The following NLRC4 variants were observed in gnomAD, a reference collection of about 807,000 sequenced individuals.
NLRC4 encodes the protein NLR family CARD domain-containing protein 4.
NLRC4 carries 63 observed loss-of-function variants against 79.9 expected under a neutral mutation model. The ratio of observed to expected loss-of-function variants is 0.79; its 90% CI spans 0.64 to 0.97. NLRC4 has a LOEUF of 0.97. NLRC4 is among the 50% of genes least tolerant of loss of function. The probability of loss-of-function intolerance (pLI) is 0.00; values close to 1 mark genes in which losing one functional copy is unlikely to be tolerated. For missense variants in NLRC4, 1,074 were observed against 1,215.2 expected (o/e 0.88, Z 1.73); for synonymous variants, 461 against 456.5 (o/e 1.01, Z -0.12).
Position 32,230,430 on chromosome 2 carries a change from G to A in NLRC4, c.2782+4971C>T, listed in dbSNP as rs1399588889. ...CCCACCCGCCTTGGCCTCTCAAACT[G>A]CTGGGATTACAAACGTGAGCCACTG... On this transcript the variant is annotated intron_variant, in intron 8 of 8. Transcript: ENST00000402280. Among the ~76,000 whole-genome samples, 7 of 151,110 alleles carry A rather than the reference G, an allele frequency of 4.6e-5. No homozygotes were observed. The East Asian group carries it at 1.2e-3, about 25-fold the overall frequency.
chr2:32,227,652 G>A (rs888656745), intron 8 of NLRC4, among the ~76,000 whole-genome samples: 1 of 152,198 alleles, frequency 6.6e-6, no homozygotes, highest in Non-Finnish European at 1.5e-5. Context: ...GCAATTTATA[G>A]TGGTTATCTA....
At chr2:32,265,206 A>G (rs1362921196), upstream of NLRC4, among the ~76,000 whole-genome samples, 1 of 151,636 alleles carries the variant, frequency 6.6e-6, no homozygotes, top group Non-Finnish European at 1.5e-5. Context: ...TTTGAGACAG[A>G]GTCTTGTTCT....
At chr2:32,235,709 G>A (rs1001427041) in intron 7 of NLRC4, 141 bp from the exon 8 acceptor site, 2 of 695,112 alleles carry the variant, frequency 2.9e-6, no homozygotes, top group Non-Finnish European at 4.6e-6. Context: ...CTTAATTTTT[G>A]GTTTTTTTTT....
intron 2 of NLRC4, among the ~76,000 whole-genome samples, chr2:32,255,957 T>C (rs1178754067): frequency 6.6e-6 from 1 of 151,556 alleles, no homozygotes; most frequent in South Asian, 2.1e-4. Context: ...GAGGTTGCAG[T>C]GAGCCAAGAT....
In NLRC4 at chr2:32,236,262, C is replaced by A; in HGVS notation, c.2599G>T (p.Ala867Ser). 1 of 1,605,782 alleles carries A rather than the reference C, an allele frequency of 6.2e-7. No individual in the cohort carries two copies. The highest frequency in any genetic ancestry group is 1.3e-5 in the African/African-American group (1 of 74,758). Residue 867 changes from alanine to serine, a missense_variant, in exon 7 of 9, where the codon GCT (alanine) becomes TCT (serine). Transcript: ENST00000402280. ...TCATTCTTACTCAGTTCATGAAGAG[C>A]TTCATTTCCATCTTTTTCCAGGTAA... ...ENYLEKDGNE[A>S]LHELIDRMNV...
At chr2:32,265,199 G>A (rs1384921564), upstream of NLRC4, among the ~76,000 whole-genome samples, 1 of 147,174 alleles carries the variant, frequency 6.8e-6, no homozygotes, top group Non-Finnish European at 1.5e-5. Flanking sequence ...TCTTTTTTTT[G>A]AGACAGAGTC....
At chr2:32,225,818 C>T (rs142411503) in intron 8 of NLRC4, among the ~76,000 whole-genome samples, 189 of 152,258 alleles carry the variant, frequency 1.2e-3, no homozygotes, top group African/African-American at 4.2e-3. Flanking sequence ...CCACATTACT[C>T]GGCTCATCCG....
chr2:32,233,349 A>ATATTTT (rs1418146489), intron 8 of NLRC4, among the ~76,000 whole-genome samples: 5 of 41,096 alleles, frequency 1.2e-4, no homozygotes, highest in African/African-American at 3.8e-4. Flanking sequence ...ATATATATAT[A>ATATTTT]TTTTTTTTTT....
intron 1 of NLRC4, among the ~76,000 whole-genome samples, chr2:32,261,315 C>CTTTTTTTTTT (rs1558464069): frequency 6.1e-5 from 5 of 81,572 alleles, no homozygotes; most frequent in African/African-American, 2.4e-4. Context: ...AAGCCTCCCC[C>CTTTTTTTTTT]CTTTTGTTTT....
At chr2:32,240,401 C>CA (rs36105309) in intron 5 of NLRC4, among the ~76,000 whole-genome samples, 5,831 of 118,126 alleles carry the variant, frequency 0.049, 188 homozygotes, top group African/African-American at 0.093. Flanking sequence ...AAAAAAGAGC[C>CA]AAAAAAAAAA....
At position 32,250,787 on chromosome 2, in the gene NLRC4, TTG is replaced by T. The variant is rs757026903; in HGVS notation, c.1075_1076del (p.Gln359AsnfsTer9). ...MGESEFHSHT[Q>X]TTLFHTFYDL... Reference sequence around the variant, plus strand: ...CATAGAAGGTATGGAACAGCGTTGTTTGTGTGTGAGAGTGGAACTCACTTTCA... The same window carrying T: ...CATAGAAGGTATGGAACAGCGTTGTTTGTGTGAGAGTGGAACTCACTTTCA... On this transcript the variant is annotated frameshift_variant, in exon 4 of 9. Coordinates refer to ENST00000402280, the MANE Select transcript of NLRC4 (RefSeq NM_001199138.2). LOFTEE classifies it high-confidence loss of function. This position sits in a 1 kb window ranked among gnomAD's most constrained non-coding sequence, Gnocchi z 4.9. 4.3e-6 allele frequency: 7 copies of T among 1,614,060 alleles called. No homozygotes were observed. The highest frequency in any genetic ancestry group is 1.6e-4 in the Middle Eastern group (1 of 6,084).
intron 2 of NLRC4, among the ~76,000 whole-genome samples, chr2:32,256,051 T>C (rs1351484103): frequency 6.6e-6 from 1 of 151,954 alleles, no homozygotes. Context: ...AATATATATA[T>C]AAACAGTAAG....
At chr2:32,260,213 C>CAAAAAAAAAAAAAAAAAA (rs1197388989) in intron 1 of NLRC4, among the ~76,000 whole-genome samples, 3 of 75,066 alleles carry the variant, frequency 4.0e-5, no homozygotes, top group African/African-American at 6.1e-5. Flanking sequence ...TGGGCAACGA[C>CAAAAAAAAAAAAAAAAAA]AAAAAAAAAA....
chr2:32,227,782 G>A (rs1214146916), intron 8 of NLRC4, among the ~76,000 whole-genome samples: 1 of 152,136 alleles, frequency 6.6e-6, no homozygotes, highest in African/African-American at 2.4e-5. Context: ...CATGCCTTTT[G>A]TTCATTTAAT....
intron 8 of NLRC4, among the ~76,000 whole-genome samples, chr2:32,232,354 T>G (rs1686557402): frequency 6.6e-6 from 1 of 152,192 alleles, no homozygotes; most frequent in Non-Finnish European, 1.5e-5. Context: ...TCTCCCAAAT[T>G]TTGCAGTTTT....
At chr2:32,261,345 C>T (rs1687346355) in intron 1 of NLRC4, among the ~76,000 whole-genome samples, 1 of 35,100 alleles carries the variant, frequency 2.8e-5, no homozygotes, top group South Asian at 5.8e-4. Context: ...TGGAGCCTCG[C>T]TCTGTAGCCA....
rs1028369592 is a variant in NLRC4, at chr2:32,250,070, G to T, written c.1794C>A (p.Phe598Leu). 3 of 1,614,190 alleles carry T rather than the reference G, an allele frequency of 1.9e-6. No individual in the cohort carries two copies. The highest frequency in any genetic ancestry group is 1.7e-6 in the Non-Finnish European group (2 of 1,180,024). ...SGNIPDYLFD[F>L]FEHLPNCASA... ...TTGCACAATTGGGCAAATGTTCAAAGAAGTCAAATAAGTAATCGGGGATGT... is the reference window on the plus strand; with the variant it reads ...TTGCACAATTGGGCAAATGTTCAAATAAGTCAAATAAGTAATCGGGGATGT... The change falls in exon 4 of 9, where the codon TTC (phenylalanine) becomes TTA (leucine). Residue 598 changes from phenylalanine to leucine, a missense_variant. By Grantham distance (22) the Phe-to-Leu change is conservative (BLOSUM62 0). Transcript: ENST00000402280. This position sits in a 1 kb window ranked among gnomAD's most constrained non-coding sequence, Gnocchi z 4.9.
intron 8 of NLRC4, among the ~76,000 whole-genome samples, chr2:32,228,095 A>T (rs1686446317): frequency 6.6e-6 from 1 of 152,164 alleles, no homozygotes; most frequent in South Asian, 2.1e-4. Flanking sequence ...GGTGCTGGGG[A>T]TATGTGTAAA....
intron 8 of NLRC4, among the ~76,000 whole-genome samples, chr2:32,231,444 C>T (rs1558446022): frequency 1.3e-5 from 2 of 152,106 alleles, no homozygotes; most frequent in Admixed American, 6.6e-5. Flanking sequence ...TGTCAGCCAC[C>T]ACGCCCGGCC....
Sources: gnomAD v4.1 joint callset for allele counts (sites outside exome capture counted in the v4.1 genomes callset) on GRCh38, gnomAD v4.1.1 for gene constraint, Gnocchi (gnomAD v3.1) non-coding constraint, MANE v1.5 for transcripts, NCBI Gene and HGNC (gene_info 2026-07-23, HGNC 2026-07-21) for gene names.